The following PDE3B variants were observed in gnomAD, a reference collection of about 807,000 sequenced individuals.
PDE3B encodes cGMP-inhibited 3',5'-cyclic phosphodiesterase 3B.
PDE3B carries 66 observed loss-of-function variants against 116.8 expected under a neutral mutation model. The ratio of observed to expected loss-of-function variants is 0.56; its 90% CI spans 0.46 to 0.69. The LOEUF (loss-of-function observed/expected upper bound fraction) is 0.69. Ranked by LOEUF, PDE3B falls within the 30% of genes least tolerant of loss-of-function variation. PDE3B has a pLI of 0.00. For missense variants in PDE3B, 1,384 were observed against 1,368.1 expected, an observed-to-expected ratio of 1.01 and a Z score of -0.18; for synonymous variants, 595 against 533.6, an observed-to-expected ratio of 1.12 and a Z score of -1.59.
chr11:14,869,595 G>C lies in PDE3B; in HGVS notation c.3274G>C (p.Glu1092Gln), dbSNP rs61736639. Residue 1092 changes from glutamate to glutamine, a missense_variant, in exon 16 of 16, where the codon GAG becomes CAG. By Grantham distance (29) the Glu-to-Gln change is conservative. Coordinates refer to ENST00000282096, the MANE Select transcript of PDE3B (RefSeq NM_000922.4). ...CKADGNKLQV[E>Q]NSSLPQADEI... ...AGCTGATGGGAATAAACTGCAGGTG[G>C]AGAATTCCTCCTTACCTCAAGCAGA... 8,409 of 1,613,904 alleles carry C rather than the reference G, an allele frequency of 5.2e-3. 21 individuals carry two copies. The highest frequency in any genetic ancestry group is 6.2e-3 in the Non-Finnish European group (7,374 of 1,179,942).
intron 13 of PDE3B, among the ~76,000 whole-genome samples, chr11:14,859,838 A>G (rs1847914278): frequency 6.6e-6 from 1 of 152,218 alleles, no homozygotes; most frequent in African/African-American, 2.4e-5. Flanking sequence ...GGGGATCAAG[A>G]ATCACTGCCC....
At chr11:14,656,622 G>A (rs762510828) in intron 1 of PDE3B, among the ~76,000 whole-genome samples, 15 of 152,136 alleles carry the variant, frequency 9.9e-5, no homozygotes, top group South Asian at 2.1e-4. Context: ...CAGTTTCTCT[G>A]TGTATAAATT....
chr11:14,842,282 G>T (rs1258096010), intron 11 of PDE3B, among the ~76,000 whole-genome samples: 1 of 152,042 alleles, frequency 6.6e-6, no homozygotes, highest in East Asian at 1.9e-4. Context: ...CATTGCCCTT[G>T]CCAACTGTGT....
At chr11:14,867,409 T>G in intron 14 of PDE3B, 97 bp from the exon 15 acceptor site, 4 of 976,262 alleles carry the variant, frequency 4.1e-6, no homozygotes, top group East Asian at 2.6e-5. Context: ...TGATATAGAT[T>G]GTTTATTTTA....
rs74994620 is a variant in PDE3B, at chr11:14,819,242, T to C, written c.1807+33T>C. Reference sequence around the variant, plus strand: ...TACAAAAGTCATATGTATTTGAGTTTAAGAGAAATTTCTTACAATGATTTT... The same window carrying C: ...TACAAAAGTCATATGTATTTGAGTTCAAGAGAAATTTCTTACAATGATTTT... On this transcript the variant is annotated intron_variant, in intron 7 of 15. Coordinates refer to ENST00000282096, the MANE Select transcript of PDE3B (RefSeq NM_000922.4). The C allele has an allele frequency of 4.5e-3, 5,878 of 1,306,970 alleles. 202 individuals carry two copies. In the African/African-American group the frequency reaches 0.074, roughly 17 times the overall value. 81.0% of individuals were successfully genotyped at this position (1,306,970 alleles called of 1,614,324 possible). A position where few individuals can be genotyped will look rare whatever the true frequency, so the allele number is the denominator to read the frequency against.
intron 1 of PDE3B, among the ~76,000 whole-genome samples, chr11:14,662,798 T>C (rs1462498770): frequency 6.6e-6 from 1 of 152,118 alleles, no homozygotes; most frequent in Admixed American, 6.5e-5. Flanking sequence ...CCAAGAAATA[T>C]GGGACTATGT....
intron 1 of PDE3B, among the ~76,000 whole-genome samples, chr11:14,647,529 C>G (rs1432329815): frequency 6.6e-6 from 1 of 151,882 alleles, no homozygotes; most frequent in Non-Finnish European, 1.5e-5. Flanking sequence ...ACTAGTAGTT[C>G]TTGAAGTTTT....
intron 4 of PDE3B, among the ~76,000 whole-genome samples, chr11:14,798,617 A>G (rs1858635898): frequency 6.6e-6 from 1 of 152,044 alleles, no homozygotes; most frequent in Non-Finnish European, 1.5e-5. Context: ...AGAGCTTGTT[A>G]TTGGTCGGTT....
intron 4 of PDE3B, among the ~76,000 whole-genome samples, chr11:14,790,119 A>G (rs1722928769): frequency 1.3e-5 from 2 of 152,188 alleles, no homozygotes; most frequent in South Asian, 2.1e-4. Context: ...AGTTTATGTT[A>G]ACAGATAATT....
chr11:14,736,407 A>G (rs1298631909), intron 1 of PDE3B, among the ~76,000 whole-genome samples: 1 of 152,230 alleles, frequency 6.6e-6, no homozygotes, highest in Non-Finnish European at 1.5e-5. Flanking sequence ...CGTAGAGAAC[A>G]CAAAGAAAAG....
intron 12 of PDE3B, among the ~76,000 whole-genome samples, chr11:14,849,453 G>A (rs11023358): frequency 1.8e-4 from 27 of 151,676 alleles, no homozygotes; most frequent in South Asian, 1.5e-3. Flanking sequence ...TAAAACACCA[G>A]AAGCAATGGC....
chr11:14,777,893 C>G (rs1221362246), intron 2 of PDE3B, among the ~76,000 whole-genome samples: 1 of 152,120 alleles, frequency 6.6e-6, no homozygotes, highest in Non-Finnish European at 1.5e-5. Context: ...TCGGGGAATT[C>G]TTTTTCCTAG....
rs1389240806 is a variant in PDE3B, at chr11:14,818,163, CTTTCT to C, written c.1523-16_1523-12del. ...AAATACATTCTTATTTATCTATCTC[CTTTCT>C]TTTAATTTTTAAAGGTGTTTTGTCC... is the stretch of plus-strand genomic sequence containing the variant. On this transcript the variant is annotated splice_polypyrimidine_tract_variant and intron_variant, in intron 5 of 15. Coordinates refer to ENST00000282096, the MANE Select transcript of PDE3B (RefSeq NM_000922.4). The C allele has an allele frequency of 2.0e-6, 3 of 1,511,092 alleles. No individual in the cohort carries two copies. In the African/African-American group the frequency reaches 4.1e-5, roughly 21 times the overall value. The allele number at this position is 1,511,092 out of a possible 1,614,324, so 93.6% of individuals were successfully genotyped here. A position where few individuals can be genotyped will look rare whatever the true frequency, so the allele number is the denominator to read the frequency against.
At chr11:14,660,908 C>A (rs1386249886) in intron 1 of PDE3B, among the ~76,000 whole-genome samples, 1 of 152,092 alleles carries the variant, frequency 6.6e-6, no homozygotes, top group African/African-American at 2.4e-5. Context: ...AGCCAAAAAA[C>A]ACATGAAAAA....
intron 1 of PDE3B, among the ~76,000 whole-genome samples, chr11:14,686,124 A>C (rs2133800358): frequency 6.6e-6 from 1 of 152,330 alleles, no homozygotes; most frequent in South Asian, 2.1e-4. Context: ...TAACTTCTTC[A>C]ACCAGTCTTT....
chr11:14,878,313 A>T, the PDE3B span: 1 of 1,612,000 alleles, frequency 6.2e-7, no homozygotes, highest in East Asian at 2.2e-5. Context: ...CAGAAAAAGC[A>T]GATACAATAA....
In PDE3B at chr11:14,844,028, T is replaced by G. The variant is rs1590187758; in HGVS notation, c.2520+2T>G. The stretch of plus-strand genomic sequence containing the variant: ...CTAGTGGCTACAAATGCCCCTCAGG[T>G]AGGAAATATTTTTAAGAACCTTTAA... On this transcript the variant is annotated splice_donor_variant, in intron 12 of 15. Coordinates refer to ENST00000282096, the MANE Select transcript of PDE3B (RefSeq NM_000922.4). LOFTEE classifies it high-confidence loss of function. 2 of 1,609,932 alleles carry G rather than the reference T, an allele frequency of 1.2e-6. No individual in the cohort carries two copies. Among genetic ancestry groups the G allele is most frequent in the Non-Finnish European group, 1.7e-6 (2 of 1,176,320 alleles).
the PDE3B span, among the ~76,000 whole-genome samples, chr11:14,881,156 A>T: frequency 1.3e-5 from 2 of 152,138 alleles, no homozygotes; most frequent in Non-Finnish European, 2.9e-5. Flanking sequence ...CACCTAAAAA[A>T]TCATCCTTCT....
At chr11:14,713,598 A>G (rs770901728) in intron 1 of PDE3B, among the ~76,000 whole-genome samples, 2 of 152,100 alleles carry the variant, frequency 1.3e-5, no homozygotes, top group Non-Finnish European at 2.9e-5. Flanking sequence ...TTGGACTGAA[A>G]CTAAACCATT....
Sources: allele counts gnomAD v4.1 joint callset (sites outside exome capture counted in the v4.1 genomes callset), GRCh38; gene constraint gnomAD v4.1.1; transcripts MANE v1.5; gene names NCBI Gene and HGNC (gene_info 2026-07-23, HGNC 2026-07-21).